Variants in FYN observed in about 807,000 individuals in gnomAD.
FYN encodes the protein tyrosine-protein kinase Fyn.
In FYN, 10 loss-of-function variants were observed where a neutral mutation model predicts 70.2. The observed-to-expected ratio is 0.14, with a 90% CI of 0.09 to 0.24. The LOEUF is 0.24. Among genes scored for constraint, FYN ranks in the 10% least tolerant of loss-of-function variants. The pLI, the probability that FYN is intolerant of heterozygous loss-of-function variation, is 1.00. For missense variants in FYN, 319 were observed against 673.1 expected (o/e 0.47, Z 5.82); for synonymous variants, 236 against 248.6 (o/e 0.95, Z 0.48).
At chr6:111,866,782 T>C (rs775469644) in intron 1 of FYN, among the ~76,000 whole-genome samples, 48 of 152,232 alleles carry the variant, frequency 3.2e-4, no homozygotes, top group Non-Finnish European at 4.9e-4. Flanking sequence ...GTTGACTACA[T>C]GATCTCTAAG....
At chr6:111,695,893 G>A (rs1483260644) in intron 10 of FYN, among the ~76,000 whole-genome samples, 1 of 152,200 alleles carries the variant, frequency 6.6e-6, no homozygotes, top group African/African-American at 2.4e-5. Context: ...TTAGAGACCA[G>A]TGTCTGATAT....
At chr6:111,837,116 C>T (rs990770029) in intron 2 of FYN, among the ~76,000 whole-genome samples, 2 of 152,192 alleles carry the variant, frequency 1.3e-5, no homozygotes, top group Admixed American at 6.5e-5. Context: ...CACCTCACTG[C>T]GGTCACCATA....
chr6:111,843,677 G>C lies in FYN; in HGVS notation c.-82+2912C>G, dbSNP rs184928034. On this transcript the variant is annotated intron_variant, in intron 2 of 13. Coordinates refer to ENST00000354650, the MANE Select transcript of FYN (RefSeq NM_002037.5). ...CCACATAATGCTATTAACAAGCATG[G>C]TTTCCACTCATTCATGCCTGCTCAA... is the stretch of plus-strand genomic sequence containing the variant. Among the ~76,000 whole-genome samples the C allele has an allele frequency of 3.3e-4, 50 of 152,248 alleles. 1 individual carries two copies. Among genetic ancestry groups the C allele is most frequent in the Admixed American group, 2.8e-3 (43 of 15,294 alleles).
chr6:111,765,219 T>C (rs921337584), intron 3 of FYN, among the ~76,000 whole-genome samples: 1 of 152,104 alleles, frequency 6.6e-6, no homozygotes, highest in African/African-American at 2.4e-5. Context: ...ATGGACTGAA[T>C]TGTGTCCCCT....
chr6:111,707,805 C>T (rs1800167103), intron 6 of FYN, 117 bp downstream of exon 6: 1 of 753,762 alleles, frequency 1.3e-6, no homozygotes, highest in African/African-American at 1.7e-5. Flanking sequence ...GCCTGAAAAA[C>T]TCAGCCTTAA....
At chr6:111,770,203 A>G (rs915095033) in intron 3 of FYN, among the ~76,000 whole-genome samples, 5 of 152,248 alleles carry the variant, frequency 3.3e-5, no homozygotes, top group African/African-American at 1.2e-4. Context: ...AAGACTTAGT[A>G]CAAAAATATC....
chr6:111,752,340 C>T (rs1802526415), intron 3 of FYN, among the ~76,000 whole-genome samples: 1 of 152,226 alleles, frequency 6.6e-6, no homozygotes, highest in African/African-American at 2.4e-5. Context: ...AAGCTATCAG[C>T]CCACTGGAGC....
chr6:111,696,887 A>G (rs1321081676), intron 9 of FYN: 1 of 152,710 alleles, frequency 6.5e-6, no homozygotes, highest in African/African-American at 2.4e-5. Context: ...GGGGTGTGCC[A>G]TTTAAAAATA....
chr6:111,843,300 G>A (rs923741931), intron 2 of FYN, among the ~76,000 whole-genome samples: 3 of 152,092 alleles, frequency 2.0e-5, no homozygotes, highest in Non-Finnish European at 4.4e-5. Flanking sequence ...TCACTAAATA[G>A]GATGACTCCA....
intron 3 of FYN, among the ~76,000 whole-genome samples, chr6:111,764,818 G>A (rs1023731335): frequency 2.6e-5 from 4 of 152,138 alleles, no homozygotes; most frequent in African/African-American, 7.2e-5. Flanking sequence ...AAGGAAAGAT[G>A]CTCTTTTAAA....
chr6:111,683,792 A>G (rs1275843958), intron 12 of FYN, among the ~76,000 whole-genome samples: 2 of 152,146 alleles, frequency 1.3e-5, no homozygotes, highest in African/African-American at 2.4e-5. Context: ...GGAGGTGACA[A>G]GGCGGTACCA....
chr6:111,687,130 T>C (rs974547536), intron 12 of FYN, among the ~76,000 whole-genome samples: 7 of 152,220 alleles, frequency 4.6e-5, no homozygotes, highest in Admixed American at 2.0e-4. Flanking sequence ...GTAACAAATC[T>C]TTCTAAAATA....
chr6:111,768,951 T>C (rs142095429), intron 3 of FYN, among the ~76,000 whole-genome samples: 9 of 152,340 alleles, frequency 5.9e-5, no homozygotes, highest in African/African-American at 2.2e-4. Flanking sequence ...AAAAGGATTG[T>C]GATTTGGGGG....
At chr6:111,664,688 C>A (rs994138149) in intron 13 of FYN, among the ~76,000 whole-genome samples, 35 of 152,112 alleles carry the variant, frequency 2.3e-4, no homozygotes, top group African/African-American at 8.5e-4. Context: ...CCCACATGGT[C>A]AGGCTCCTTC....
intron 6 of FYN, among the ~76,000 whole-genome samples, 181 bp from the exon 7 acceptor site, chr6:111,704,283 C>T (rs1444838336): frequency 6.6e-6 from 1 of 151,916 alleles, no homozygotes; most frequent in African/African-American, 2.4e-5. Context: ...GATTCTATCC[C>T]TAATTCATCT....
At chr6:111,806,027 G>T (rs1340176824) in intron 2 of FYN, among the ~76,000 whole-genome samples, 1 of 152,168 alleles carries the variant, frequency 6.6e-6, no homozygotes, top group Non-Finnish European at 1.5e-5. Flanking sequence ...AAAAAGGAAC[G>T]GGGAAGTGGG....
rs185721295 is a variant in FYN at position 111,755,381 on chromosome 6, C to A, written c.-12+25185G>T. ...TGTTCTTCCTGGAAAATGGTTATAA[C>A]CATTTATAAAGCAAATCATCAGAAT... On this transcript the variant is annotated intron_variant, in intron 3 of 13. Transcript: ENST00000354650. 1.1e-4 allele frequency among the ~76,000 whole-genome samples: 16 copies of A among 152,120 alleles called. No individual in the cohort carries two copies. In the East Asian group the frequency reaches 2.9e-3, roughly 28 times the overall value.
intron 4 of FYN, 148 bp downstream of exon 4, chr6:111,719,657 C>T: frequency 1.1e-6 from 1 of 904,720 alleles, no homozygotes; most frequent in Non-Finnish European, 1.6e-6. Context: ...GCTTTTCTTA[C>T]AACCCCTCAT....
At chr6:111,812,404 C>A (rs1447203824) in intron 2 of FYN, among the ~76,000 whole-genome samples, 1 of 152,036 alleles carries the variant, frequency 6.6e-6, no homozygotes, top group African/African-American at 2.4e-5. Flanking sequence ...CATATGCCTT[C>A]GTCTACTCTA....
Sources: allele counts gnomAD v4.1 joint callset (sites outside exome capture counted in the v4.1 genomes callset), GRCh38; gene constraint gnomAD v4.1.1; transcripts MANE v1.5; gene names NCBI Gene and HGNC (gene_info 2026-07-23, HGNC 2026-07-21).